NBEA: variants seen among roughly 807,000 people sequenced by gnomAD.
NBEA encodes the protein lysosomal-trafficking regulator 2.
Under a neutral mutation model 343.4 loss-of-function variants are expected in NBEA, and 44 were observed. The observed-to-expected ratio is 0.13, with a 90% confidence interval of 0.10 to 0.16. The LOEUF is 0.16. NBEA is among the 10% of genes least tolerant of loss of function. The pLI, the probability that NBEA is intolerant of heterozygous loss-of-function variation, is 1.00. For synonymous variants in NBEA, 1,175 were observed against 1,238.7 expected, an observed-to-expected ratio of 0.95 and a Z score of 1.08; for missense variants, 2,555 against 3,631.3, an observed-to-expected ratio of 0.70 and a Z score of 7.62.
intron 41 of NBEA, among the ~76,000 whole-genome samples, chr13:35,541,181 T>C (rs924856443): frequency 2.7e-5 from 4 of 150,180 alleles, no homozygotes; most frequent in African/African-American, 9.8e-5. Flanking sequence ...CTGTGTCCGT[T>C]GCCCCCCCAC....
chr13:35,327,174 G>A (rs1049824024), intron 36 of NBEA, among the ~76,000 whole-genome samples: 1 of 152,018 alleles, frequency 6.6e-6, no homozygotes, highest in Non-Finnish European at 1.5e-5. Context: ...ATACACTGTT[G>A]ATGGAAATGT....
intron 22 of NBEA, 64 bp downstream of exon 22, chr13:35,160,096 A>G: frequency 7.3e-7 from 1 of 1,370,642 alleles, no homozygotes; most frequent in Non-Finnish European, 9.7e-7. Context: ...TTAGCACCAA[A>G]ACAGAGTAAT....
chr13:35,576,449 T>A (rs982982283), intron 45 of NBEA, among the ~76,000 whole-genome samples: 1 of 152,084 alleles, frequency 6.6e-6, no homozygotes, highest in East Asian at 1.9e-4. Flanking sequence ...AAATATTTGG[T>A]CAATAACACT....
At chr13:35,522,475 CAAAAAAA>C (rs138270833) in intron 41 of NBEA, among the ~76,000 whole-genome samples, 20 of 42,068 alleles carry the variant, frequency 4.8e-4, no homozygotes, top group East Asian at 3.3e-3. Flanking sequence ...ATACCATCTC[CAAAAAAA>C]AAAAAAAAAA....
At chr13:34,951,461 A>C (rs2059347717) in intron 1 of NBEA, among the ~76,000 whole-genome samples, 1 of 152,164 alleles carries the variant, frequency 6.6e-6, no homozygotes, top group African/African-American at 2.4e-5. Flanking sequence ...GGTCCTGAGA[A>C]TCACCTGACC....
chr13:35,086,530 G>A (rs1268941764), intron 10 of NBEA, among the ~76,000 whole-genome samples: 1 of 151,938 alleles, frequency 6.6e-6, no homozygotes, highest in Non-Finnish European at 1.5e-5. Flanking sequence ...GCCCACATAT[G>A]AGTGAGAATG....
chr13:35,670,924 C>A lies in NBEA; in HGVS notation c.8837C>A (p.Ser2946Tyr). The change falls in exon 59 of 59, where the codon TCT becomes TAT. Residue 2946 changes from serine to tyrosine, a missense_variant. Around this residue, in one of 21 missense-constraint regions of NBEA, gnomAD observed 186 missense variants for 328.9 expected, o/e 0.57. Coordinates refer to ENST00000379939, the MANE Select transcript of NBEA (RefSeq NM_001385012.1). ...AGGACTCTGATCACTGGCATGGCTT[C>A]TGGTAGCATTGTAGCTTTTAATATA... is the stretch of plus-strand genomic sequence containing the variant. The part of the protein sequence containing the change: ...DQRTLITGMA[S>Y]GSIVAFNIDF... The A allele has an allele frequency of 6.3e-7, 1 of 1,596,990 alleles. No homozygotes were observed. The highest frequency in any genetic ancestry group is 8.5e-7 in the Non-Finnish European group (1 of 1,170,914).
intron 38 of NBEA, among the ~76,000 whole-genome samples, chr13:35,358,345 T>C (rs758755678): frequency 7.2e-5 from 11 of 151,974 alleles, no homozygotes; most frequent in Non-Finnish European, 1.3e-4. Flanking sequence ...TTCTTGAGCT[T>C]CTATTTGTGC....
intron 41 of NBEA, among the ~76,000 whole-genome samples, chr13:35,521,309 G>T (rs1049101842): frequency 6.6e-6 from 1 of 152,054 alleles, no homozygotes; most frequent in Non-Finnish European, 1.5e-5. Flanking sequence ...AAATGCGATA[G>T]GCTTTAAGCA....
At chr13:35,175,625 A>C (rs927400405) in intron 27 of NBEA, among the ~76,000 whole-genome samples, 25 of 152,210 alleles carry the variant, frequency 1.6e-4, no homozygotes, top group Admixed American at 2.6e-4. Flanking sequence ...ATCTGGCAAG[A>C]ACTTTGGCAG....
intron 49 of NBEA, among the ~76,000 whole-genome samples, chr13:35,633,385 A>T (rs1052475516): frequency 3.7e-4 from 55 of 150,364 alleles, no homozygotes; most frequent in African/African-American, 1.3e-3. Context: ...TACAGGCGTG[A>T]GCCACCGCGC....
At chr13:35,287,953 C>CTATATAAAATT (rs1260604151) in intron 34 of NBEA, among the ~76,000 whole-genome samples, 5 of 151,876 alleles carry the variant, frequency 3.3e-5, no homozygotes, top group African/African-American at 7.3e-5. Flanking sequence ...TTCTAAAGCT[C>CTATATAAAATT]TATATAAATT....
chr13:35,426,814 G>A (rs988806677), intron 38 of NBEA, among the ~76,000 whole-genome samples: 2 of 152,046 alleles, frequency 1.3e-5, no homozygotes, highest in African/African-American at 2.4e-5. Flanking sequence ...TTTTCACATA[G>A]TCCCATATTT....
At chr13:35,039,019 G>GT (rs1397131927) in intron 1 of NBEA, among the ~76,000 whole-genome samples, 4 of 152,162 alleles carry the variant, frequency 2.6e-5, no homozygotes, top group African/African-American at 9.6e-5. Flanking sequence ...TGGTACTGAG[G>GT]TTTTCAGGCA....
intron 46 of NBEA, among the ~76,000 whole-genome samples, chr13:35,590,160 G>A (rs989612126): frequency 3.3e-5 from 5 of 152,046 alleles, no homozygotes; most frequent in African/African-American, 1.2e-4. Context: ...AGTCAGACAT[G>A]AGTCAAATGA....
chr13:35,053,743 G>A (rs1208531211), intron 6 of NBEA, among the ~76,000 whole-genome samples: 1 of 152,074 alleles, frequency 6.6e-6, no homozygotes, highest in Non-Finnish European at 1.5e-5. Flanking sequence ...GGACATAGTA[G>A]ATAAAAACAA....
intron 35 of NBEA, among the ~76,000 whole-genome samples, chr13:35,290,808 A>T (rs1279102055): frequency 1.3e-5 from 2 of 151,326 alleles, no homozygotes; most frequent in African/African-American, 4.8e-5. Context: ...TTCTTCTCTT[A>T]TATTTGAGAT....
chr13:35,288,144 C>T (rs969876108), intron 34 of NBEA, among the ~76,000 whole-genome samples: 4 of 151,910 alleles, frequency 2.6e-5, no homozygotes, highest in Non-Finnish European at 5.9e-5. Flanking sequence ...CTTTTTGAGA[C>T]GTACACTTGT....
chr13:35,000,599 C>CACAT (rs1396245470), intron 1 of NBEA, among the ~76,000 whole-genome samples: 10 of 150,494 alleles, frequency 6.6e-5, no homozygotes, highest in Admixed American at 4.0e-4. Context: ...ATATAACACA[C>CACAT]ACACACACAC....
Sources: allele counts gnomAD v4.1 joint callset (sites outside exome capture counted in the v4.1 genomes callset), GRCh38; gene constraint gnomAD v4.1.1; regional missense constraint gnomAD v4.1.1; transcripts MANE v1.5; gene names NCBI Gene and HGNC (gene_info 2026-07-23, HGNC 2026-07-21).